Variants in ESR1 observed in about 807,000 individuals in gnomAD.
ESR1 encodes the protein estrogen receptor.
ESR1 carries 12 observed loss-of-function variants against 52.7 expected under a neutral mutation model. The ratio of observed to expected loss-of-function variants is 0.23; its 90% confidence interval spans 0.15 to 0.37. The LOEUF (loss-of-function observed/expected upper bound fraction) is 0.37, where lower values mean the gene tolerates loss of function less well. ESR1 is among the 10% of genes least tolerant of loss of function. The pLI, the probability that ESR1 is intolerant of heterozygous loss-of-function variation, is 1.00. For synonymous variants in ESR1, 305 were observed against 316.8 expected, an observed-to-expected ratio of 0.96 and a Z score of 0.39; for missense variants, 584 against 779.7, an observed-to-expected ratio of 0.75 and a Z score of 2.99.
At chr6:152,109,001 A>G (rs1278522565) in intron 6 of ESR1, among the ~76,000 whole-genome samples, 1 of 152,190 alleles carries the variant, frequency 6.6e-6, no homozygotes, top group African/African-American at 2.4e-5. Flanking sequence ...AGGAAACTCA[A>G]TCATGGCAGA....
intron 3 of ESR1, among the ~76,000 whole-genome samples, chr6:151,883,283 C>T (rs1332136809): frequency 9.3e-6 from 1 of 107,202 alleles, no homozygotes; most frequent in African/African-American, 4.1e-5. Context: ...CCATACCCAG[C>T]TAATTTTTGT....
chr6:151,908,594 A>G (rs1485967006), intron 3 of ESR1, among the ~76,000 whole-genome samples: 1 of 152,190 alleles, frequency 6.6e-6, no homozygotes, highest in African/African-American at 2.4e-5. Flanking sequence ...CTCGTTGCTT[A>G]AAACTGAAGC....
chr6:152,054,960 A>T (rs964486195), intron 5 of ESR1, among the ~76,000 whole-genome samples: 2 of 152,226 alleles, frequency 1.3e-5, no homozygotes, highest in African/African-American at 4.8e-5. Context: ...TTTGGGAGCA[A>T]TGTCTAACAT....
intron 6 of ESR1, among the ~76,000 whole-genome samples, chr6:152,072,586 G>A (rs3778088): frequency 0.2 from 31,149 of 151,948 alleles, 4,398 homozygotes; most frequent in African/African-American, 0.39. Flanking sequence ...TCAAGGAGAT[G>A]TTGGTTCAGA....
chr6:152,123,217 G>A (rs963046052), intron 6 of ESR1, among the ~76,000 whole-genome samples: 10 of 152,178 alleles, frequency 6.6e-5, no homozygotes, highest in Non-Finnish European at 1.3e-4. Flanking sequence ...TAATCATAGA[G>A]CATACCCTGG....
chr6:151,953,045 T>C (rs1379740100), intron 4 of ESR1, among the ~76,000 whole-genome samples: 1 of 152,220 alleles, frequency 6.6e-6, no homozygotes, highest in Non-Finnish European at 1.5e-5. Context: ...GATTCCTTAA[T>C]GTGATGACCG....
At chr6:151,935,047 C>T (rs1414015566) in intron 3 of ESR1, among the ~76,000 whole-genome samples, 1 of 152,206 alleles carries the variant, frequency 6.6e-6, no homozygotes, top group African/African-American at 2.4e-5. Context: ...ATCAGCCTGC[C>T]TGGGTTCAAA....
At chr6:151,887,910 A>G (rs996032221) in intron 3 of ESR1, among the ~76,000 whole-genome samples, 3 of 150,446 alleles carry the variant, frequency 2.0e-5, no homozygotes, top group East Asian at 4.0e-4. Flanking sequence ...GTGTGTAGAT[A>G]TCCAGTTTCT....
chr6:151,671,821 G>A (rs965824932), intron 1 of ESR1, among the ~76,000 whole-genome samples: 3 of 151,820 alleles, frequency 2.0e-5, no homozygotes, highest in South Asian at 2.1e-4. Flanking sequence ...GTGAAACCTC[G>A]TCTCTACTAA....
intron 2 of ESR1, among the ~76,000 whole-genome samples, chr6:151,759,505 TA>T (rs1252286655): frequency 6.6e-6 from 1 of 151,832 alleles, no homozygotes; most frequent in Non-Finnish European, 1.5e-5. Context: ...CCCTAAAACT[TA>T]AAGTATAATA....
At chr6:152,055,611 TCTTGCTCCATTCCCTTCCATTTTTG>T (rs1213086957) in intron 5 of ESR1, among the ~76,000 whole-genome samples, 1 of 152,196 alleles carries the variant, frequency 6.6e-6, no homozygotes, top group Non-Finnish European at 1.5e-5. Context: ...TTATCTTTGA[TCTTGCTCCATTCCCTTCCATTTTTG>T]CTTGAGAATC....
At chr6:151,941,761 C>T (rs559632543) in intron 3 of ESR1, among the ~76,000 whole-genome samples, 1 of 152,262 alleles carries the variant, frequency 6.6e-6, no homozygotes, top group South Asian at 2.1e-4. Context: ...CTATCTTTGT[C>T]GTCAGCTCTG....
intron 2 of ESR1, among the ~76,000 whole-genome samples, chr6:151,798,420 G>A (rs1170617830): frequency 6.6e-6 from 1 of 152,174 alleles, no homozygotes; most frequent in South Asian, 2.1e-4. Flanking sequence ...TTAGAATTTG[G>A]TATAAGAATT....
chr6:152,004,101 T>C (rs2128751853), intron 4 of ESR1, among the ~76,000 whole-genome samples: 1 of 152,110 alleles, frequency 6.6e-6, no homozygotes, highest in South Asian at 2.1e-4. Flanking sequence ...ATACACTGCT[T>C]TTATGTCCTA....
At chr6:151,674,655 AGT>A (rs1292515121) in intron 1 of ESR1, among the ~76,000 whole-genome samples, 2 of 152,226 alleles carry the variant, frequency 1.3e-5, no homozygotes. Flanking sequence ...ACAGTATAAA[AGT>A]GTTCCTATTT....
At chr6:152,023,810 T>C (rs1032538206) in intron 5 of ESR1, among the ~76,000 whole-genome samples, 2 of 152,186 alleles carry the variant, frequency 1.3e-5, no homozygotes, top group African/African-American at 4.8e-5. Context: ...ATTTAACTTG[T>C]TCCTCTATCC....
intron 2 of ESR1, among the ~76,000 whole-genome samples, chr6:151,770,527 C>T (rs1357203914): frequency 6.6e-6 from 1 of 151,570 alleles, no homozygotes; most frequent in African/African-American, 2.4e-5. Context: ...TTAATATAAC[C>T]CTAATTCAAT....
At chr6:151,881,607 G>C (rs1490568758) in intron 3 of ESR1, among the ~76,000 whole-genome samples, 1 of 152,182 alleles carries the variant, frequency 6.6e-6, no homozygotes, top group Non-Finnish European at 1.5e-5. Context: ...TAGTGGAAGA[G>C]AACAAGTAGA....
At chr6:152,015,777 C>T (rs190899362) in intron 5 of ESR1, among the ~76,000 whole-genome samples, 18 of 152,232 alleles carry the variant, frequency 1.2e-4, no homozygotes, top group African/African-American at 2.9e-4. Context: ...AATCTATAAG[C>T]GCATTTGGCG....
Sources: allele counts gnomAD v4.1 joint callset (sites outside exome capture counted in the v4.1 genomes callset), GRCh38; gene constraint gnomAD v4.1.1; transcripts MANE v1.5; gene names NCBI Gene and HGNC (gene_info 2026-07-23, HGNC 2026-07-21).